Variants in USP20 observed in about 807,000 individuals in gnomAD.
USP20 encodes ubiquitin specific peptidase 20.
Under a neutral mutation model 124.2 loss-of-function variants are expected in USP20, and 80 were observed. That is an observed-to-expected ratio of 0.64 (90% CI 0.54 to 0.78). The LOEUF is 0.78. Ranked by LOEUF, USP20 falls within the 30% of genes least tolerant of loss-of-function variation. USP20 has a pLI of 0.00. For synonymous variants in USP20, 481 were observed against 512.3 expected (o/e 0.94, Z 0.83); for missense variants, 1,043 against 1,244.4 (o/e 0.84, Z 2.44).
intron 6 of USP20, among the ~76,000 whole-genome samples, chr9:129,859,177 A>T (rs527624979): frequency 6.6e-6 from 1 of 150,628 alleles, no homozygotes; most frequent in African/African-American, 2.4e-5. Context: ...GGGAATGGTC[A>T]GTAATCCTGG....
intron 22 of USP20, 106 bp downstream of exon 22, chr9:129,876,344 A>C (rs2034408482): frequency 1.0e-6 from 1 of 969,850 alleles, no homozygotes. Context: ...CAAGTTTGAA[A>C]GCAGTCTTTT....
chr9:129,874,632 C>T lies in USP20; in HGVS notation c.1797C>T (p.Ile599=). 1.2e-6 allele frequency: 2 copies of T among 1,613,902 alleles called. No homozygotes were observed. Among genetic ancestry groups the T allele is most frequent in the Non-Finnish European group, 1.7e-6 (2 of 1,180,022 alleles). ...ACGAGGTGATGTACTCATTCAAGAT[C>T]AACAGCCACGTCTCCTTCCCCCTCG... is the stretch of plus-strand genomic sequence containing the variant. The part of the protein sequence containing the change: ...FRHEVMYSFK[I]NSHVSFPLEG... Residue 599 remains isoleucine, a synonymous_variant, in exon 18 of 26, where the codon ATC becomes ATT. Transcript: ENST00000372429.
intron 10 of USP20, 41 bp from the exon 11 acceptor site, chr9:129,867,964 T>C: frequency 1.9e-6 from 3 of 1,575,956 alleles, no homozygotes; most frequent in Non-Finnish European, 2.6e-6. Flanking sequence ...TGGTTCCTCC[T>C]GCCTCCAGGG....
intron 17 of USP20, among the ~76,000 whole-genome samples, chr9:129,874,083 T>C (rs4415422): frequency 0.96 from 145,404 of 152,120 alleles, 69,855 homozygotes; most frequent in East Asian, 1. Flanking sequence ...GGAGAGCTGG[T>C]CCAGCTGGGG....
Position 129,835,495 on chromosome 9 carries a change from T to C in USP20, c.-133T>C, listed in dbSNP as rs3758334. ...CAGGCGGCGGCGGCGCAGTTGCGAG[T>C]GCAGGTGAGTTCCGGGCCGCCACCG... On this transcript the variant is annotated 5_prime_UTR_variant, in exon 1 of 26. Coordinates refer to ENST00000372429, the MANE Select transcript of USP20 (RefSeq NM_001110303.4). The C allele has an allele frequency of 0.21, 77,539 of 369,584 alleles. 8,952 individuals carry two copies. The highest frequency in any genetic ancestry group is 0.27 in the East Asian group (4,844 of 18,166). 22.9% of individuals were successfully genotyped at this position (369,584 alleles called of 1,614,324 possible).
chr9:129,874,467 A>G, intron 17 of USP20, 109 bp from the exon 18 acceptor site: 3 of 1,427,624 alleles, frequency 2.1e-6, no homozygotes, highest in Non-Finnish European at 1.9e-6. Context: ...GATTTGTTCC[A>G]ATGGAGTCAG....
At chr9:129,851,040 G>A (rs1031234085) in intron 2 of USP20, among the ~76,000 whole-genome samples, 4 of 152,128 alleles carry the variant, frequency 2.6e-5, no homozygotes, top group African/African-American at 9.7e-5. Flanking sequence ...TCTTTGGTTG[G>A]TTTGGACCTT....
chr9:129,867,933 C>A (rs1364309682), intron 10 of USP20, 72 bp from the exon 11 acceptor site: 15 of 1,523,010 alleles, frequency 9.8e-6, no homozygotes, highest in Non-Finnish European at 1.2e-5. Context: ...GCGCTCTCAT[C>A]AGCCACAGGG....
At chr9:129,854,655 CTG>C (rs1453776544) in intron 3 of USP20, among the ~76,000 whole-genome samples, 1 of 141,142 alleles carries the variant, frequency 7.1e-6, no homozygotes, top group Non-Finnish European at 1.6e-5. Flanking sequence ...GGAAAAAAAA[CTG>C]GGAAGAGGAG....
chr9:129,872,222 G>A (rs1424479613), intron 15 of USP20, among the ~76,000 whole-genome samples: 1 of 151,748 alleles, frequency 6.6e-6, no homozygotes, highest in Non-Finnish European at 1.5e-5. Context: ...GCATGATCTT[G>A]GCTCACTGCA....
chr9:129,847,388 C>T lies in USP20; in HGVS notation c.-128-2425C>T, dbSNP rs180688355. On this transcript the variant is annotated intron_variant, in intron 1 of 25. Transcript: ENST00000372429. ...TGCGATCTCAGCTCACTGCAGCCTC[C>T]GCCTCCCAGGTTCAAGTGATTCTTC... Among the ~76,000 whole-genome samples the T allele has an allele frequency of 1.3e-4, 19 of 151,316 alleles. No individual in the cohort carries two copies. In the South Asian group the frequency reaches 1.3e-3, roughly 10 times the overall value.
intron 1 of USP20, among the ~76,000 whole-genome samples, chr9:129,840,010 T>C (rs898160645): frequency 1.3e-5 from 2 of 152,128 alleles, no homozygotes; most frequent in African/African-American, 4.8e-5. Flanking sequence ...AATGGTGGGC[T>C]CTTTGCCAAA....
Position 129,870,504 on chromosome 9 carries a change from G to A in USP20, c.1617G>A (p.Leu539=). Residue 539 remains leucine (L), a synonymous_variant, in exon 15 of 26, where the codon CTG becomes CTA. Coordinates refer to ENST00000372429, the MANE Select transcript of USP20 (RefSeq NM_001110303.4). ...GGTTTTGGGGGCCTGTCGTCACCCTGGAAGACTGCCTTGCTGCCTTCTTTG... is the reference window on the plus strand; with the variant it reads ...GGTTTTGGGGGCCTGTCGTCACCCTAGAAGACTGCCTTGCTGCCTTCTTTG... The part of the protein sequence containing the change: ...PSWFWGPVVT[L]EDCLAAFFAA... 7 of 1,614,198 alleles carry A rather than the reference G, an allele frequency of 4.3e-6. No homozygotes were observed. The highest frequency in any genetic ancestry group is 5.9e-6 in the Non-Finnish European group (7 of 1,180,028).
chr9:129,856,396 T>G (rs1264981468), intron 4 of USP20, 36 bp downstream of exon 4: 3 of 1,606,876 alleles, frequency 1.9e-6, no homozygotes, highest in Non-Finnish European at 2.6e-6. Context: ...GGTGTAGAGC[T>G]GCTTCCACCT....
Position 129,858,529 on chromosome 9 carries a change from GA to G in USP20, c.263del (p.Lys88ArgfsTer32). ...TCCGACTGTGGTGTTACGCCTGTGA[GA>G]AGGAGGTATTCCTGGAGCAGCGGCT... ...TFRLWCYACE[K>X]EVFLEQRLAA... On this transcript the variant is annotated frameshift_variant, in exon 6 of 26. Transcript: ENST00000372429. LOFTEE classifies it high-confidence loss of function. 1 of 1,614,218 alleles carries G rather than the reference GA, an allele frequency of 6.2e-7. No homozygotes were observed. Among genetic ancestry groups the G allele is most frequent in the Non-Finnish European group, 8.5e-7 (1 of 1,180,032 alleles).
intron 16 of USP20, 80 bp from the exon 17 acceptor site, chr9:129,873,619 A>G: frequency 6.2e-7 from 1 of 1,613,498 alleles, no homozygotes; most frequent in Non-Finnish European, 8.5e-7. Flanking sequence ...CCTTCCCAGA[A>G]GGGAGCCGGG....
In USP20 at chr9:129,879,359, A is replaced by C; in HGVS notation, c.2513-214A>C. On this transcript the variant is annotated intron_variant, in intron 23 of 25. Coordinates refer to ENST00000372429, the MANE Select transcript of USP20 (RefSeq NM_001110303.4). This position sits in a 1 kb window ranked among gnomAD's most constrained non-coding sequence, Gnocchi z 4.2. ...ATCCACCGCAGCTCCTGCGGCCAGC[A>C]CAGAGTCTGAGACCATCTCGTGTGT... is the stretch of plus-strand genomic sequence containing the variant. The C allele has an allele frequency of 1.8e-6, 1 of 561,756 alleles. No individual in the cohort carries two copies. The highest frequency in any genetic ancestry group is 1.9e-5 in the African/African-American group (1 of 52,764). The allele number at this position is 561,756 out of a possible 1,614,324, so 34.8% of individuals were successfully genotyped here.
intron 1 of USP20, among the ~76,000 whole-genome samples, chr9:129,849,544 G>A (rs1264060822): frequency 6.6e-6 from 1 of 152,180 alleles, no homozygotes; most frequent in Non-Finnish European, 1.5e-5. Flanking sequence ...AGGACTACTT[G>A]AGCCCAGGAG....
intron 1 of USP20, among the ~76,000 whole-genome samples, chr9:129,837,045 T>C (rs1013288735): frequency 6.6e-6 from 1 of 152,124 alleles, no homozygotes; most frequent in Non-Finnish European, 1.5e-5. Flanking sequence ...GATGAGCTGC[T>C]CCCACCCTTG....
Sources: gnomAD v4.1 joint callset for allele counts (sites outside exome capture counted in the v4.1 genomes callset) on GRCh38, gnomAD v4.1.1 for gene constraint, Gnocchi (gnomAD v3.1) non-coding constraint, MANE v1.5 for transcripts, NCBI Gene and HGNC (gene_info 2026-07-23, HGNC 2026-07-21) for gene names.